Variants in MEI1 observed in about 807,000 individuals in gnomAD.
MEI1 encodes the protein meiosis inhibitor protein 1.
Under a neutral mutation model 146.2 loss-of-function variants are expected in MEI1, and 103 were observed. That is an observed-to-expected ratio of 0.70 (90% confidence interval 0.60 to 0.83). MEI1 has a LOEUF of 0.83. MEI1 is among the 40% of genes least tolerant of loss of function. The pLI is 0.00. For missense variants in MEI1, 1,529 were observed against 1,533.0 expected (o/e 1.00, Z 0.04); for synonymous variants, 652 against 628.2 (o/e 1.04, Z -0.57).
intron 21 of MEI1, among the ~76,000 whole-genome samples, chr22:41,777,162 T>A (rs2148112161): frequency 6.7e-6 from 1 of 149,896 alleles, no homozygotes; most frequent in African/African-American, 2.5e-5. Flanking sequence ...AAAATAATTT[T>A]TTTTTTTTTT....
intron 3 of MEI1, among the ~76,000 whole-genome samples, chr22:41,713,199 A>G (rs1251059624): frequency 2.0e-5 from 3 of 152,206 alleles, no homozygotes; most frequent in Admixed American, 6.5e-5. Flanking sequence ...AAGGCCAGGC[A>G]TGGTGACTCA....
chr22:41,728,558 C>G (rs2071566411), intron 7 of MEI1, among the ~76,000 whole-genome samples: 1 of 151,900 alleles, frequency 6.6e-6, no homozygotes, highest in African/African-American at 2.4e-5. Context: ...GACCTTGTCT[C>G]TATAAAAAAT....
At chr22:41,716,355 CTTTTTTTTTTTTTTTTTTT>C (rs6147630) in intron 5 of MEI1, among the ~76,000 whole-genome samples, 11 of 118,584 alleles carry the variant, frequency 9.3e-5, no homozygotes, top group African/African-American at 3.0e-4. Context: ...TCCATTCATT[CTTTTTTTTTTTTTTTTTTT>C]TTTTTTTTTT....
At chr22:41,724,989 G>C (rs1308401698) in intron 7 of MEI1, among the ~76,000 whole-genome samples, 1 of 151,820 alleles carries the variant, frequency 6.6e-6, no homozygotes, top group Non-Finnish European at 1.5e-5. Context: ...TTTTCGTAGA[G>C]ACAGGGATCT....
At chr22:41,718,034 G>A in intron 5 of MEI1, 37 bp from the exon 6 acceptor site, 1 of 1,540,620 alleles carries the variant, frequency 6.5e-7, no homozygotes. Flanking sequence ...TTGACATTGT[G>A]AAATTTCCCT....
At chr22:41,736,818 G>A (rs1197369877) in intron 11 of MEI1, among the ~76,000 whole-genome samples, 1 of 152,102 alleles carries the variant, frequency 6.6e-6, no homozygotes, top group Non-Finnish European at 1.5e-5. Flanking sequence ...AGGTTCCTGG[G>A]ATTAGGACCT....
At chr22:41,739,987 T>C (rs1287420628) in intron 11 of MEI1, among the ~76,000 whole-genome samples, 1 of 150,624 alleles carries the variant, frequency 6.6e-6, no homozygotes, top group Non-Finnish European at 1.5e-5. Context: ...GAGAGATGGA[T>C]AGGGGGCAGG....
At chr22:41,757,948 A>C (rs1343007929) in intron 17 of MEI1, among the ~76,000 whole-genome samples, 1 of 151,990 alleles carries the variant, frequency 6.6e-6, no homozygotes, top group Non-Finnish European at 1.5e-5. Flanking sequence ...CTCTACTAAA[A>C]ATACAAAAAA....
At chr22:41,713,530 A>G (rs2069803715) in intron 3 of MEI1, among the ~76,000 whole-genome samples, 2 of 151,156 alleles carry the variant, frequency 1.3e-5, no homozygotes, top group Non-Finnish European at 2.9e-5. Flanking sequence ...ATGTGCACAC[A>G]TAGTTGTTTT....
At chr22:41,796,297 C>G (rs190152726) in intron 30 of MEI1, among the ~76,000 whole-genome samples, 2 of 151,992 alleles carry the variant, frequency 1.3e-5, no homozygotes, top group Admixed American at 1.3e-4. Flanking sequence ...AAGCGATTCT[C>G]CTGCCTCAGC....
intron 17 of MEI1, among the ~76,000 whole-genome samples, chr22:41,755,594 C>A (rs2074040184): frequency 6.6e-6 from 1 of 152,158 alleles, no homozygotes; most frequent in Admixed American, 6.5e-5. Flanking sequence ...CTGGCAGTTC[C>A]CTTGCTTGTC....
intron 26 of MEI1, among the ~76,000 whole-genome samples, chr22:41,786,896 C>T (rs777117493): frequency 1.3e-5 from 2 of 152,190 alleles, no homozygotes; most frequent in Admixed American, 6.5e-5. Flanking sequence ...CATCATATCC[C>T]GAGCCCTGAC....
intron 15 of MEI1, among the ~76,000 whole-genome samples, chr22:41,750,645 C>T (rs2073686329): frequency 1.3e-5 from 2 of 152,136 alleles, no homozygotes; most frequent in African/African-American, 4.8e-5. Context: ...AAACACTTAC[C>T]TGATTAGCTG....
intron 1 of MEI1, among the ~76,000 whole-genome samples, chr22:41,700,216 A>C (rs187891037): frequency 1.3e-4 from 20 of 152,330 alleles, no homozygotes; most frequent in Non-Finnish European, 2.4e-4. Flanking sequence ...CCGAGGGGAC[A>C]GGAGTGACAG....
At chr22:41,700,656 G>A (rs1402710145) in intron 1 of MEI1, among the ~76,000 whole-genome samples, 1 of 152,046 alleles carries the variant, frequency 6.6e-6, no homozygotes, top group African/African-American at 2.4e-5. Context: ...TGTCCATGGA[G>A]GCATCCAAGA....
At chr22:41,761,174 G>A (rs2074461402) in intron 18 of MEI1, among the ~76,000 whole-genome samples, 1 of 152,038 alleles carries the variant, frequency 6.6e-6, no homozygotes, top group Admixed American at 6.6e-5. Flanking sequence ...AGCTGAGTGT[G>A]GTGGCGAGCG....
At chr22:41,704,864 G>A (rs926828734) in intron 2 of MEI1, among the ~76,000 whole-genome samples, 2 of 152,066 alleles carry the variant, frequency 1.3e-5, no homozygotes, top group African/African-American at 2.4e-5. Flanking sequence ...ACAGGTGCCC[G>A]TCACCACGCC....
At chr22:41,792,757 A>G (rs1237139968) in intron 26 of MEI1, among the ~76,000 whole-genome samples, 2 of 152,070 alleles carry the variant, frequency 1.3e-5, no homozygotes, top group Non-Finnish European at 2.9e-5. Flanking sequence ...GCTTCTCCAC[A>G]TTCTCCTCAA....
intron 18 of MEI1, among the ~76,000 whole-genome samples, chr22:41,762,686 C>A (rs548806438): frequency 6.6e-6 from 1 of 152,046 alleles, no homozygotes; most frequent in African/African-American, 2.4e-5. Flanking sequence ...CACACCTGGC[C>A]GTTTTCACTT....
Sources: gnomAD v4.1 joint callset for allele counts (sites outside exome capture counted in the v4.1 genomes callset) on GRCh38, gnomAD v4.1.1 for gene constraint, MANE v1.5 for transcripts, NCBI Gene and HGNC (gene_info 2026-07-23, HGNC 2026-07-21) for gene names.